The following CCDC71 variants were observed in gnomAD, a reference collection of about 807,000 sequenced individuals.
The protein encoded by CCDC71 is coiled-coil domain-containing protein 71.
For synonymous variants in CCDC71, 257 were observed against 242.2 expected (o/e 1.06, Z -0.57); for missense variants, 594 against 604.0 (o/e 0.98, Z 0.17).
At chr3:49,165,063 C>A (rs1049893944) in intron 1 of CCDC71, among the ~76,000 whole-genome samples, 1 of 152,202 alleles carries the variant, frequency 6.6e-6, no homozygotes, top group Non-Finnish European at 1.5e-5. Context: ...AACCCATTTT[C>A]TAGCTCCAGA....
Position 49,163,693 on chromosome 3 carries a change from G to A in CCDC71, c.516C>T (p.Ala172=). ...PTHLYPGVYP[A]MRLSVVLEAL... ...CCTCAAGGACAACAGAGAGCCGCAT[G>A]GCAGGGTAGACACCTGGATAAAGGT... Residue 172 remains alanine (A), a synonymous_variant, in exon 2 of 2, where the codon GCC becomes GCT. Transcript: ENST00000321895. The A allele has an allele frequency of 1.9e-6, 3 of 1,614,124 alleles. No individual in the cohort carries two copies. Among genetic ancestry groups the A allele is most frequent in the Non-Finnish European group, 2.5e-6 (3 of 1,180,024 alleles).
In CCDC71 at chr3:49,162,938, A is replaced by C; in HGVS notation, c.1271T>G (p.Leu424Arg). 1 of 1,614,258 alleles carries C rather than the reference A, an allele frequency of 6.2e-7. No homozygotes were observed. The highest frequency in any genetic ancestry group is 1.7e-5 in the Admixed American group (1 of 60,038). ...ATCTACCTTTATGGCACGGAACTTCAGCAGCTTTGCTGTTCCAGGCCCTAG... is the reference window on the plus strand; with the variant it reads ...ATCTACCTTTATGGCACGGAACTTCCGCAGCTTTGCTGTTCCAGGCCCTAG... ...AWLGPGTAKL[L>R]KFRAIKVDRR... Residue 424 changes from leucine (L) to arginine (R), a missense_variant, in exon 2 of 2, where the codon CTG becomes CGG. Transcript: ENST00000321895.
At chr3:49,164,400 T>C (rs901098256) in intron 1 of CCDC71, 140 bp from the exon 2 acceptor site, 3 of 618,834 alleles carry the variant, frequency 4.8e-6, no homozygotes, top group Non-Finnish European at 8.6e-6. Flanking sequence ...TGTAAAACCC[T>C]GGTCTCCTGA....
rs1420704689 is a variant in CCDC71 at position 49,163,820 on chromosome 3, G to A, written c.389C>T (p.Thr130Ile). The A allele has an allele frequency of 1.9e-6, 3 of 1,614,216 alleles. No homozygotes were observed. Among genetic ancestry groups the A allele is most frequent in the Non-Finnish European group, 2.5e-6 (3 of 1,180,034 alleles). Residue 130 changes from threonine to isoleucine, a missense_variant, in exon 2 of 2, where the codon ACA becomes ATA. Thr to Ile is a moderately conservative substitution (Grantham distance 89, BLOSUM62 -1). Transcript: ENST00000321895. ...PLSGRLAKAS[T>I]PALAKHATTN... ...GGTAGCATGCTTGGCAAGGGCTGGTGTGGATGCTTTGGCCAGTCTGCCAGA... is the reference window on the plus strand; with the variant it reads ...GGTAGCATGCTTGGCAAGGGCTGGTATGGATGCTTTGGCCAGTCTGCCAGA...
At position 49,164,250 on chromosome 3, in the gene CCDC71, G is replaced by A. The variant is rs2045710429; in HGVS notation, c.-42C>T. 1 of 1,577,402 alleles carries A rather than the reference G, an allele frequency of 6.3e-7. No homozygotes were observed. Among genetic ancestry groups the A allele is most frequent in the Admixed American group, 1.7e-5 (1 of 58,806 alleles). On this transcript the variant is annotated 5_prime_UTR_variant, in exon 2 of 2. Coordinates refer to ENST00000321895, the MANE Select transcript of CCDC71 (RefSeq NM_022903.4). ...GATCTGCCTGGGTATCCGCAAACCA[G>A]CGCTTGGCACCTCCAAGACAAGAGG...
In CCDC71 at chr3:49,163,469, C is replaced by T. The variant is rs755335037; in HGVS notation, c.740G>A (p.Gly247Glu). 2 of 1,614,272 alleles carry T rather than the reference C, an allele frequency of 1.2e-6. No homozygotes were observed. The highest frequency in any genetic ancestry group is 1.7e-6 in the Non-Finnish European group (2 of 1,180,052). ...CTGGTGCCCAGAGCCTCGTCGGGGT[C>T]CAGCCCCAGGGCCTTTGCGAGTCAG... ...KCLTRKGPGA[G>E]PRRGSGHQSK... The change falls in exon 2 of 2, where the codon GGA becomes GAA. Residue 247 changes from glycine (G) to glutamate (E), a missense_variant. Gly to Glu is a moderately conservative substitution (Grantham distance 98). Transcript: ENST00000321895.
At position 49,163,359 on chromosome 3, in the gene CCDC71, T is replaced by C. The variant is rs767055080; in HGVS notation, c.850A>G (p.Lys284Glu). 6.2e-7 allele frequency: 1 copy of C among 1,614,038 alleles called. No individual in the cohort carries two copies. Among genetic ancestry groups the C allele is most frequent in the South Asian group, 1.1e-5 (1 of 91,084 alleles). ...SALGTKTAQA[K>E]VARTLAKAAR... Reference sequence around the variant, plus strand: ...GCTTTGGCCAGTGTTCGAGCTACCTTGGCCTGGGCTGTTTTGGTGCCCAGG... The same window carrying C: ...GCTTTGGCCAGTGTTCGAGCTACCTCGGCCTGGGCTGTTTTGGTGCCCAGG... The change falls in exon 2 of 2, where the codon AAG becomes GAG. Residue 284 changes from lysine (K) to glutamate (E), a missense_variant. Physicochemically the swap from Lys to Glu is moderately conservative, Grantham distance 56. Coordinates refer to ENST00000321895, the MANE Select transcript of CCDC71 (RefSeq NM_022903.4).
Position 49,164,220 on chromosome 3 carries a change from C to A in CCDC71, c.-12G>T, listed in dbSNP as rs762483608. 1 of 1,600,158 alleles carries A rather than the reference C, an allele frequency of 6.2e-7. No individual in the cohort carries two copies. The highest frequency in any genetic ancestry group is 8.5e-7 in the Non-Finnish European group (1 of 1,169,774). Reference sequence around the variant, plus strand: ...ACCACCACACTCATGGCATTAGGCACTGCAGATCTGCCTGGGTATCCGCAA... The same window carrying A: ...ACCACCACACTCATGGCATTAGGCAATGCAGATCTGCCTGGGTATCCGCAA... On this transcript the variant is annotated 5_prime_UTR_variant, in exon 2 of 2. Coordinates refer to ENST00000321895, the MANE Select transcript of CCDC71 (RefSeq NM_022903.4).
rs1286127060 is a variant in CCDC71, at chr3:49,163,063, G to A, written c.1146C>T (p.Arg382=). 6.2e-7 allele frequency: 1 copy of A among 1,614,260 alleles called. No homozygotes were observed. The highest frequency in any genetic ancestry group is 8.5e-7 in the Non-Finnish European group (1 of 1,180,052). The change falls in exon 2 of 2, where the codon CGC becomes CGT. Residue 382 remains arginine, a synonymous_variant. Coordinates refer to ENST00000321895, the MANE Select transcript of CCDC71 (RefSeq NM_022903.4). Reference sequence around the variant, plus strand: ...TCCTCTTCTGCCCAACAGTCTCAGGGCGGTTTTTCTGGCCCTTCCTTGTAG... The same window carrying A: ...TCCTCTTCTGCCCAACAGTCTCAGGACGGTTTTTCTGGCCCTTCCTTGTAG... ...ARTTRKGQKN[R]PETVGQKRKR...
Position 49,162,687 on chromosome 3 carries a change from G to T in CCDC71, c.*118C>A. 2.1e-6 allele frequency: 2 copies of T among 934,366 alleles called. No homozygotes were observed. The highest frequency in any genetic ancestry group is 3.0e-6 in the Non-Finnish European group (2 of 674,000). 57.9% of individuals were successfully genotyped at this position (934,366 alleles called of 1,614,324 possible). On this transcript the variant is annotated 3_prime_UTR_variant, in exon 2 of 2. Coordinates refer to ENST00000321895, the MANE Select transcript of CCDC71 (RefSeq NM_022903.4). ...CTGAAAGGAGGCTGGTGGTCACCAG[G>T]GCCCTAGAGAGGCACCGGGAGTCCT...
chr3:49,164,102 G>C lies in CCDC71; in HGVS notation c.107C>G (p.Pro36Arg). ...ALEEALLVFN[P>R]MSQDLSATEA... ...TGTGGCACTGAGATCCTGGCTCATT[G>C]GGTTAAAGACAAGCAGTGCCTCTTC... The change falls in exon 2 of 2, where the codon CCA becomes CGA. Residue 36 changes from proline (P) to arginine (R), a missense_variant. Physicochemically the swap from Pro to Arg is moderately radical, Grantham distance 103 (BLOSUM62 -2). Transcript: ENST00000321895. The C allele has an allele frequency of 6.2e-7, 1 of 1,614,006 alleles. No homozygotes were observed. Among genetic ancestry groups the C allele is most frequent in the Non-Finnish European group, 8.5e-7 (1 of 1,180,018 alleles).
intron 1 of CCDC71, among the ~76,000 whole-genome samples, chr3:49,165,319 C>T (rs542169278): frequency 8.5e-5 from 13 of 152,234 alleles, no homozygotes; most frequent in Admixed American, 3.3e-4. Context: ...CAGTACAGCC[C>T]AGATGGAGGT....
In CCDC71 at chr3:49,163,122, T is replaced by C. The variant is rs1458186331; in HGVS notation, c.1087A>G (p.Arg363Gly). The C allele has an allele frequency of 6.2e-7, 1 of 1,614,126 alleles. No individual in the cohort carries two copies. Among genetic ancestry groups the C allele is most frequent in the Non-Finnish European group, 8.5e-7 (1 of 1,180,058 alleles). ...AKVARTQPRG[R>G]GRPKGSAKAR... is the part of the protein sequence containing the mutation. Reference sequence around the variant, plus strand: ...TTAGCAGATCCCTTTGGCCTGCCTCTGCCCCTGGGCTGGGTCCGAGCCACC... The same window carrying C: ...TTAGCAGATCCCTTTGGCCTGCCTCCGCCCCTGGGCTGGGTCCGAGCCACC... Residue 363 changes from arginine (R) to glycine (G), a missense_variant, in exon 2 of 2, where the codon AGA becomes GGA. By Grantham distance (125) the Arg-to-Gly change is moderately radical (BLOSUM62 -2). Transcript: ENST00000321895.
At chr3:49,164,325 CA>C in intron 1 of CCDC71, 65 bp from the exon 2 acceptor site, 1 of 933,576 alleles carries the variant, frequency 1.1e-6, no homozygotes, top group African/African-American at 1.6e-5. Context: ...AACACATAGA[CA>C]AGTCAATCAG....
intron 1 of CCDC71, among the ~76,000 whole-genome samples, chr3:49,165,982 G>A (rs1329640944): frequency 6.6e-6 from 1 of 152,242 alleles, no homozygotes; most frequent in African/African-American, 2.4e-5. Flanking sequence ...ACCGGGGGAG[G>A]GGGCAGATCG....
chr3:49,164,295 G>A (rs1575545372), intron 1 of CCDC71, 35 bp from the exon 2 acceptor site: 1 of 1,326,410 alleles, frequency 7.5e-7, no homozygotes, highest in East Asian at 2.3e-5. Flanking sequence ...AATAAGAATG[G>A]CACTAAGACA....
rs756513443 is a variant in CCDC71 at position 49,164,059 on chromosome 3, G to T, written c.150C>A (p.Ala50=). Residue 50 remains alanine (A), a synonymous_variant, in exon 2 of 2, where the codon GCC becomes GCA. Transcript: ENST00000321895. ...DLSATEAQLV[A]FLQGLRDDGF... The stretch of plus-strand genomic sequence containing the variant: ...CATCATCTCGCAGGCCCTGCAGGAA[G>T]GCCACAAGCTGGGCCTCTGTGGCAC... 1 of 1,613,988 alleles carries T rather than the reference G, an allele frequency of 6.2e-7. No homozygotes were observed. The highest frequency in any genetic ancestry group is 1.3e-5 in the African/African-American group (1 of 74,902).
In CCDC71 at chr3:49,163,051, AAC is replaced by A; in HGVS notation, c.1156_1157del (p.Val386TrpfsTer8). 1.9e-6 allele frequency: 3 copies of A among 1,614,260 alleles called. No individual in the cohort carries two copies. Among genetic ancestry groups the A allele is most frequent in the Non-Finnish European group, 2.5e-6 (3 of 1,180,048 alleles). ...CCTCAGCCCTTTTCCTCTTCTGCCCAACAGTCTCAGGGCGGTTTTTCTGGCCC... is the reference window on the plus strand; with the variant it reads ...CCTCAGCCCTTTTCCTCTTCTGCCCAAGTCTCAGGGCGGTTTTTCTGGCCC... ...RKGQKNRPET[V>X]GQKRKRAEEA... On this transcript the variant is annotated frameshift_variant, in exon 2 of 2. Coordinates refer to ENST00000321895, the MANE Select transcript of CCDC71 (RefSeq NM_022903.4). LOFTEE classifies it high-confidence loss of function.
In CCDC71 at chr3:49,163,259, T is replaced by A. The variant is rs4955419; in HGVS notation, c.950A>T (p.Gln317Leu). Residue 317 changes from glutamine to leucine, a missense_variant, in exon 2 of 2, where the codon CAG becomes CTG. Coordinates refer to ENST00000321895, the MANE Select transcript of CCDC71 (RefSeq NM_022903.4). ...AKARAKAKAA[Q>L]VKAKAKAKAA... ...CTTAGCTTTGGCCTTAGCCTTGACC[T>A]GTGCTGCCTTGGCCTTGGCCCGGGC... 1,043,227 of 1,613,562 alleles carry A rather than the reference T, an allele frequency of 0.65. 344,370 individuals are homozygous for A. Among genetic ancestry groups the A allele is most frequent in the East Asian group, 0.96 (42,851 of 44,856 alleles).
Sources: gnomAD v4.1 joint callset for allele counts (sites outside exome capture counted in the v4.1 genomes callset) on GRCh38, gnomAD v4.1.1 for gene constraint, MANE v1.5 for transcripts, NCBI Gene and HGNC (gene_info 2026-07-23, HGNC 2026-07-21) for gene names.